MYH7B: variants seen among roughly 807,000 people sequenced by gnomAD.
MYH7B encodes myosin-7B.
Under a neutral mutation model 234.5 loss-of-function variants are expected in MYH7B, and 205 were observed. The ratio of observed to expected loss-of-function variants is 0.87; its 90% confidence interval spans 0.78 to 0.98. The LOEUF is 0.98. MYH7B is among the 50% of genes least tolerant of loss of function. The probability of loss-of-function intolerance (pLI) is 0.00; values close to 1 mark genes in which losing one functional copy is unlikely to be tolerated. For missense variants in MYH7B, 2,652 were observed against 2,633.4 expected, an observed-to-expected ratio of 1.01 and a Z score of -0.15; for synonymous variants, 1,193 against 1,105.0, an observed-to-expected ratio of 1.08 and a Z score of -1.58.
intron 13 of MYH7B, among the ~76,000 whole-genome samples, chr20:34,985,822 C>G (rs1471118533): frequency 1.3e-5 from 2 of 152,122 alleles, no homozygotes; most frequent in Non-Finnish European, 2.9e-5. Context: ...GACACACCAA[C>G]AGATAAAAAC....
At chr20:34,967,911 C>T (rs924419550) in intron 2 of MYH7B, among the ~76,000 whole-genome samples, 7 of 152,186 alleles carry the variant, frequency 4.6e-5, no homozygotes, top group Non-Finnish European at 8.8e-5. Context: ...GTGGGCCCCA[C>T]TAAGACCTCT....
At chr20:34,997,955 G>C (rs1386110542) in intron 32 of MYH7B, among the ~76,000 whole-genome samples, 1 of 152,018 alleles carries the variant, frequency 6.6e-6, no homozygotes, top group Non-Finnish European at 1.5e-5. Context: ...CTCTCTTCCT[G>C]TCCTGAACCC....
intron 19 of MYH7B, 72 bp from the exon 20 acceptor site, chr20:34,989,666 TGG>T: frequency 1.4e-6 from 2 of 1,450,932 alleles, no homozygotes; most frequent in Non-Finnish European, 1.8e-6. Flanking sequence ...GGAGGTGGCC[TGG>T]GGAACCAGGG....
chr20:34,974,481 T>C (rs1014979116), intron 2 of MYH7B, among the ~76,000 whole-genome samples: 1 of 152,158 alleles, frequency 6.6e-6, no homozygotes, highest in Non-Finnish European at 1.5e-5. Context: ...AGCAGGAAGA[T>C]GCACCCTGGG....
exon 22 of MYH7B, chr20:34,990,292 G>T: frequency 1.9e-6 from 3 of 1,614,134 alleles, no homozygotes; most frequent in Admixed American, 1.7e-5. Flanking sequence ...CGTTCCAGAC[G>T]GTGTCCCAGC....
chr20:34,991,171 G>T (rs746224536), intron 24 of MYH7B, 50 bp downstream of exon 24: 1 of 1,357,744 alleles, frequency 7.4e-7, no homozygotes, highest in Non-Finnish European at 1.0e-6. Context: ...GGCCTGAGGG[G>T]CTGGGCAGGA....
intron 14 of MYH7B, 77 bp downstream of exon 14, chr20:34,986,275 C>A: frequency 7.6e-6 from 9 of 1,182,802 alleles, no homozygotes; most frequent in Non-Finnish European, 1.1e-5. Context: ...CCCCATCAGG[C>A]CAGGCCCTGG....
intron 2 of MYH7B, among the ~76,000 whole-genome samples, chr20:34,964,424 CTA>C (rs1310714536): frequency 6.6e-6 from 1 of 152,210 alleles, no homozygotes; most frequent in African/African-American, 2.4e-5. Flanking sequence ...TGGGCCTAGA[CTA>C]TGTGGCTCTC....
chr20:34,984,989 C>T, intron 12 of MYH7B, 43 bp downstream of exon 12: 1 of 1,607,494 alleles, frequency 6.2e-7, no homozygotes, highest in East Asian at 2.2e-5. Flanking sequence ...TGCCGTAGGC[C>T]ACCAGCGGCA....
intron 21 of MYH7B, 25 bp from the exon 22 acceptor site, chr20:34,990,209 T>A: frequency 6.2e-7 from 1 of 1,613,898 alleles, no homozygotes; most frequent in Non-Finnish European, 8.5e-7. Flanking sequence ...TTCCCTGGAG[T>A]GACCAGGCCC....
intron 10 of MYH7B, 31 bp downstream of exon 10, chr20:34,982,586 G>A (rs369421675): frequency 3.2e-5 from 47 of 1,483,708 alleles, no homozygotes; most frequent in African/African-American, 1.1e-4. Flanking sequence ...CATGCTCCCC[G>A]TTGCTTCTCG....
In MYH7B at chr20:34,999,406, G is replaced by A. The variant is rs774768355; in HGVS notation, c.4540+1G>A. 86 of 1,511,140 alleles carry A rather than the reference G, an allele frequency of 5.7e-5. No homozygotes were observed. Among genetic ancestry groups the A allele is most frequent in the Non-Finnish European group, 7.3e-5 (82 of 1,130,090 alleles). 93.6% of individuals were successfully genotyped at this position (1,511,140 alleles called of 1,614,324 possible). On this transcript the variant is annotated splice_donor_variant, in intron 36 of 44. Transcript: ENST00000262873. LOFTEE classifies it high-confidence loss of function. Reference sequence around the variant, plus strand: ...AAGCGGGAGAACAAGAACCTGCAGGGTAGGACCTGCCACACGCCAGGGCCA... The same window carrying A: ...AAGCGGGAGAACAAGAACCTGCAGGATAGGACCTGCCACACGCCAGGGCCA...
Position 34,997,150 on chromosome 20 carries a change from C to G in MYH7B, c.3334C>G (p.Gln1112Glu), listed in dbSNP as rs1569058897. Residue 1112 changes from glutamine (Q) to glutamate (E), a missense_variant, in exon 31 of 45, where the codon CAG becomes GAG. Gln to Glu is a conservative substitution (Grantham distance 29). Transcript: ENST00000262873. The stretch of plus-strand genomic sequence containing the variant: ...CGAGCAGCTCTTGGGGGCCCAGATG[C>G]AGAAGAAGATCAAGGAGCTGCAGGT... 3 of 1,549,566 alleles carry G rather than the reference C, an allele frequency of 1.9e-6. No homozygotes were observed. The African/African-American group carries it at 4.1e-5, about 21-fold the overall frequency.
intron 23 of MYH7B, 44 bp from the exon 24 acceptor site, chr20:34,990,960 G>T: frequency 6.3e-7 from 1 of 1,577,444 alleles, no homozygotes; most frequent in Non-Finnish European, 8.7e-7. Flanking sequence ...TGGGGCCTGC[G>T]GGTGTGCCTG....
rs1174682906 is a variant in MYH7B, at chr20:34,987,571, G to A, written c.1162G>A (p.Ala388Thr). 1.7e-5 allele frequency: 27 copies of A among 1,613,256 alleles called. No individual in the cohort carries two copies. Among genetic ancestry groups the A allele is most frequent in the Non-Finnish European group, 2.3e-5 (27 of 1,179,516 alleles). Residue 388 changes from alanine to threonine, a missense_variant, in exon 17 of 45, where the codon GCC becomes ACC. Ala to Thr is a moderately conservative substitution (Grantham distance 58, BLOSUM62 0). Transcript: ENST00000262873. ...TGCCCTGCCAGGTGCTGACAAGGCT[G>A]CCTACCTGATGGGGGTCAGCAGTGG...
At chr20:34,986,736 T>C (rs1023161208) in intron 14 of MYH7B, 150 bp from the exon 15 acceptor site, 4 of 642,302 alleles carry the variant, frequency 6.2e-6, no homozygotes, top group Non-Finnish European at 1.1e-5. Context: ...GATGAGAAAC[T>C]TAGGCCCCAG....
chr20:34,998,114 C>T (rs1371489612), intron 32 of MYH7B, among the ~76,000 whole-genome samples, 181 bp from the exon 33 acceptor site: 3 of 152,188 alleles, frequency 2.0e-5, no homozygotes, highest in Admixed American at 1.3e-4. Flanking sequence ...TCAGTTCTGA[C>T]ACCTGTTAAG....
At chr20:34,993,013 G>A (rs749597632) in intron 24 of MYH7B, 89 bp from the exon 25 acceptor site, 7 of 1,501,394 alleles carry the variant, frequency 4.7e-6, no homozygotes, top group East Asian at 4.6e-5. Flanking sequence ...CTACCCACAC[G>A]AGCCTCCTCA....
At chr20:34,960,104 C>T (rs1569024229) in intron 2 of MYH7B, among the ~76,000 whole-genome samples, 1 of 152,312 alleles carries the variant, frequency 6.6e-6, no homozygotes, top group East Asian at 1.9e-4. Flanking sequence ...TTTGTGGGAA[C>T]ATTTGGGTCT....
Sources: gnomAD v4.1 joint callset for allele counts (sites outside exome capture counted in the v4.1 genomes callset) on GRCh38, gnomAD v4.1.1 for gene constraint, MANE v1.5 for transcripts, NCBI Gene and HGNC (gene_info 2026-07-23, HGNC 2026-07-21) for gene names.